The following LHFPL3 variants were observed in gnomAD, a reference collection of about 807,000 sequenced individuals.
The protein encoded by LHFPL3 is LHFPL tetraspan subfamily member 3 protein.
A neutral mutation model predicts 19.3 loss-of-function variants in LHFPL3; 5 were observed. The observed-to-expected ratio is 0.26, with a 90% CI of 0.14 to 0.54. The LOEUF is 0.54. LHFPL3 is among the 20% of genes least tolerant of loss of function. The pLI is 0.94. For synonymous variants in LHFPL3, 133 were observed against 126.2 expected (o/e 1.05, Z -0.36); for missense variants, 249 against 307.4 (o/e 0.81, Z 1.42).
At chr7:104,808,494 G>A (rs777283246) in intron 2 of LHFPL3, among the ~76,000 whole-genome samples, 11 of 152,064 alleles carry the variant, frequency 7.2e-5, no homozygotes, top group African/African-American at 1.7e-4. Context: ...TAGCTGCGGC[G>A]CAATAAGTAT....
intron 2 of LHFPL3, among the ~76,000 whole-genome samples, chr7:104,877,581 C>T (rs1278926425): frequency 6.6e-6 from 1 of 152,150 alleles, no homozygotes; most frequent in African/African-American, 2.4e-5. Context: ...TATCACTTCC[C>T]ATCCACTAGG....
intron 1 of LHFPL3, among the ~76,000 whole-genome samples, chr7:104,650,114 C>T (rs188063953): frequency 1.2e-4 from 19 of 152,298 alleles, no homozygotes. Context: ...GGGAAAGTGG[C>T]AACTGAGAGC....
chr7:104,366,062 T>G (rs61585310), intron 1 of LHFPL3, among the ~76,000 whole-genome samples: 115,253 of 152,020 alleles, frequency 0.76, 43,753 homozygotes, highest in East Asian at 0.9. Flanking sequence ...TGGAATGATT[T>G]CCCTTGGCAA....
In LHFPL3 at chr7:104,424,717, C is replaced by T. The variant is rs561365717; in HGVS notation, c.445+95493C>T. The stretch of plus-strand genomic sequence containing the variant: ...TAAAGAAGTATCTGACTTGGCCGGG[C>T]GCGGTGGCTCACGCCTGTAATCCCA... On this transcript the variant is annotated intron_variant, in intron 1 of 2. Transcript: ENST00000424859. Among the ~76,000 whole-genome samples the T allele has an allele frequency of 3.3e-5, 5 of 152,128 alleles. No individual in the cohort carries two copies. In the South Asian group the frequency reaches 1.0e-3, roughly 32 times the overall value.
chr7:104,335,327 C>G (rs10274138), intron 1 of LHFPL3, among the ~76,000 whole-genome samples: 89,903 of 152,136 alleles, frequency 0.59, 27,839 homozygotes, highest in East Asian at 0.85. Context: ...GAAAGGATAC[C>G]TACAGCCAGT....
intron 1 of LHFPL3, among the ~76,000 whole-genome samples, chr7:104,533,919 C>A (rs1162843579): frequency 6.6e-6 from 1 of 152,154 alleles, no homozygotes; most frequent in African/African-American, 2.4e-5. Flanking sequence ...ACTTTTTAGG[C>A]TTCCCTCCGC....
At chr7:104,593,023 TG>T (rs1341070777) in intron 1 of LHFPL3, among the ~76,000 whole-genome samples, 4 of 152,186 alleles carry the variant, frequency 2.6e-5, no homozygotes, top group Non-Finnish European at 5.9e-5. Flanking sequence ...AAGGGTTTTT[TG>T]TGTCTCTATT....
intron 1 of LHFPL3, among the ~76,000 whole-genome samples, chr7:104,718,294 C>A (rs563822550): frequency 6.6e-6 from 1 of 152,070 alleles, no homozygotes; most frequent in Non-Finnish European, 1.5e-5. Flanking sequence ...ATATAATGTC[C>A]TTACCCACAA....
intron 2 of LHFPL3, among the ~76,000 whole-genome samples, chr7:104,772,113 C>T (rs61651012): frequency 0.24 from 36,727 of 151,894 alleles, 4,696 homozygotes; most frequent in East Asian, 0.46. Context: ...CCACAACGCC[C>T]GGCCCTTTTG....
intron 1 of LHFPL3, among the ~76,000 whole-genome samples, chr7:104,656,481 T>C (rs1252320177): frequency 1.3e-5 from 2 of 152,202 alleles, no homozygotes; most frequent in Non-Finnish European, 1.5e-5. Flanking sequence ...CAGTTTCCCA[T>C]GATGCACCTG....
intron 1 of LHFPL3, among the ~76,000 whole-genome samples, chr7:104,581,073 GTTTA>G (rs1386735986): frequency 3.3e-5 from 5 of 151,960 alleles, no homozygotes; most frequent in Admixed American, 3.3e-4. Flanking sequence ...CAGGGTGGGT[GTTTA>G]TTTAGTTTTA....
chr7:104,628,210 T>A (rs964505042), intron 1 of LHFPL3, among the ~76,000 whole-genome samples: 2 of 152,194 alleles, frequency 1.3e-5, no homozygotes, highest in Admixed American at 6.5e-5. Context: ...GTGCTGATAA[T>A]TCTGCATGGA....
intron 2 of LHFPL3, chr7:104,804,039 CAGT>C (rs1221022618): frequency 6.6e-6 from 1 of 152,252 alleles, no homozygotes; most frequent in Non-Finnish European, 1.5e-5. Context: ...ATGTTACTTT[CAGT>C]CTTGGACTTC....
At chr7:104,355,398 A>G (rs991984849) in intron 1 of LHFPL3, among the ~76,000 whole-genome samples, 1 of 152,210 alleles carries the variant, frequency 6.6e-6, no homozygotes. Flanking sequence ...CTCTAGATGT[A>G]GTCCATGGAT....
At chr7:104,869,683 C>T (rs1029459215) in intron 2 of LHFPL3, among the ~76,000 whole-genome samples, 9 of 152,212 alleles carry the variant, frequency 5.9e-5, no homozygotes, top group African/African-American at 1.4e-4. Context: ...GTCAGTGTGG[C>T]GATTCCTCAG....
chr7:104,729,337 T>C (rs1793647264), intron 1 of LHFPL3, among the ~76,000 whole-genome samples: 1 of 152,206 alleles, frequency 6.6e-6, no homozygotes, highest in Non-Finnish European at 1.5e-5. Context: ...ATCCATCACC[T>C]CATACATTTA....
intron 1 of LHFPL3, among the ~76,000 whole-genome samples, chr7:104,481,788 C>T (rs577003906): frequency 6.6e-6 from 1 of 152,276 alleles, no homozygotes; most frequent in Admixed American, 6.5e-5. Context: ...CTAGCCCTGC[C>T]TCTAGCATAA....
Position 104,397,717 on chromosome 7 carries a change from A to G in LHFPL3, c.445+68493A>G, listed in dbSNP as rs181759368. Among the ~76,000 whole-genome samples, 46 of 152,318 alleles carry G rather than the reference A, an allele frequency of 3.0e-4. No individual in the cohort carries two copies. In the East Asian group the frequency reaches 8.5e-3, roughly 28 times the overall value. On this transcript the variant is annotated intron_variant, in intron 1 of 2. Coordinates refer to ENST00000424859, the MANE Select transcript of LHFPL3 (RefSeq NM_199000.3). ...CCTGAGTATTTATTTACTACATGAA[A>G]GGCAGAAGGAAGGGGTGTGAACAAC...
chr7:104,440,039 G>GA (rs375040315), intron 1 of LHFPL3, among the ~76,000 whole-genome samples: 2 of 88,276 alleles, frequency 2.3e-5, no homozygotes, highest in African/African-American at 6.7e-5. Context: ...AAAGCCTGGG[G>GA]GGGGGGAGGG....
Sources: allele counts gnomAD v4.1 joint callset (sites outside exome capture counted in the v4.1 genomes callset), GRCh38; gene constraint gnomAD v4.1.1; transcripts MANE v1.5; gene names NCBI Gene and HGNC (gene_info 2026-07-23, HGNC 2026-07-21).